The following GCM2 variants were observed in gnomAD, a reference collection of about 807,000 sequenced individuals.
GCM2 encodes the protein GCM transcription factor 2.
GCM2 carries 21 observed loss-of-function variants against 24.8 expected under a neutral mutation model. That is an observed-to-expected ratio of 0.85 (90% CI 0.60 to 1.22). GCM2 has a LOEUF of 1.22. Among genes scored for constraint, GCM2 ranks in the 50% most tolerant of loss-of-function variants. The pLI, the probability that GCM2 is intolerant of heterozygous loss-of-function variation, is 0.00. For synonymous variants in GCM2, 222 were observed against 238.0 expected (o/e 0.93, Z 0.62); for missense variants, 532 against 645.6 (o/e 0.82, Z 1.91).
rs1040019354 is a variant in GCM2, at chr6:10,876,556, C to T, written c.345G>A (p.Lys115=). 3.1e-6 allele frequency: 5 copies of T among 1,592,896 alleles called. No individual in the cohort carries two copies. In the African/African-American group the frequency reaches 6.7e-5, roughly 21 times the overall value. Residue 115 remains lysine, a splice_region_variant and synonymous_variant, in exon 3 of 5, where the codon AAG becomes AAA. Coordinates refer to ENST00000379491, the MANE Select transcript of GCM2 (RefSeq NM_004752.4). ...ICDKARLKQQ[K]KACPNCHSAL... is the part of the protein sequence containing the mutation. ...CAGAATGACAGTTAGGGCATGCCTTCTCTGCAAAGCCCAGAAGGGAGAAAT... is the reference window on the plus strand; with the variant it reads ...CAGAATGACAGTTAGGGCATGCCTTTTCTGCAAAGCCCAGAAGGGAGAAAT...
intron 1 of GCM2, among the ~76,000 whole-genome samples, chr6:10,878,609 T>C (rs563751711): frequency 1.3e-5 from 2 of 152,306 alleles, no homozygotes; most frequent in East Asian, 1.9e-4. Context: ...TAAGCCACCA[T>C]GCCCGGCCAC....
chr6:10,881,732 C>G lies in GCM2; in HGVS notation c.62G>C (p.Trp21Ser). 1 of 1,611,838 alleles carries G rather than the reference C, an allele frequency of 6.2e-7. No individual in the cohort carries two copies. The highest frequency in any genetic ancestry group is 8.5e-7 in the Non-Finnish European group (1 of 1,179,948). ...GVCSYGMQLS[W>S]DINDPQMPQE... ...AGGCATCTGCGGATCGTTGATGTCC[C>G]AGCTGAGCTGCATCCCGTAGGAGCA... The change falls in exon 1 of 5, where the codon TGG becomes TCG. Residue 21 changes from tryptophan to serine, a missense_variant. Around this residue, in one of 3 missense-constraint regions of GCM2, gnomAD observed 96 missense variants for 103.5 expected, o/e 0.93. Coordinates refer to ENST00000379491, the MANE Select transcript of GCM2 (RefSeq NM_004752.4).
chr6:10,875,409 C>T (rs1231943268), intron 4 of GCM2, among the ~76,000 whole-genome samples: 1 of 152,194 alleles, frequency 6.6e-6, no homozygotes, highest in East Asian at 1.9e-4. Flanking sequence ...GTGCCTGGCA[C>T]ATAGGAAGTG....
rs2113249935 is a variant in GCM2, at chr6:10,877,539, G to A, written c.91-147C>T. 3.7e-6 allele frequency: 3 copies of A among 800,128 alleles called. No homozygotes were observed. In the South Asian group the frequency reaches 4.4e-5, roughly 12 times the overall value. 49.6% of individuals were successfully genotyped at this position (800,128 alleles called of 1,614,324 possible). A position where few individuals can be genotyped will look rare whatever the true frequency, so the allele number is the denominator to read the frequency against. On this transcript the variant is annotated intron_variant, in intron 1 of 4. Coordinates refer to ENST00000379491, the MANE Select transcript of GCM2 (RefSeq NM_004752.4). ...AATTCCAAAATGCCACTCTTTCTAT[G>A]TAAGACTTCCTGACAACCAGGTAAT...
chr6:10,880,832 GTC>G (rs1484393206), intron 1 of GCM2, among the ~76,000 whole-genome samples: 1 of 152,204 alleles, frequency 6.6e-6, no homozygotes, highest in Admixed American at 6.5e-5. Context: ...AGTTAGGGAG[GTC>G]TGAGCAAATT....
At chr6:10,880,027 G>A (rs1306791700) in intron 1 of GCM2, among the ~76,000 whole-genome samples, 2 of 152,174 alleles carry the variant, frequency 1.3e-5, no homozygotes, top group Non-Finnish European at 2.9e-5. Context: ...AGGCTAAGGC[G>A]GGTGGATCAG....
At position 10,873,782 on chromosome 6, in the gene GCM2, A is replaced by T. The variant is rs533104557; in HGVS notation, c.*213T>A. 1.6e-6 allele frequency: 1 copy of T among 618,016 alleles called. No homozygotes were observed. The highest frequency in any genetic ancestry group is 1.8e-5 in the South Asian group (1 of 54,498). 38.3% of individuals were successfully genotyped at this position (618,016 alleles called of 1,614,324 possible). On this transcript the variant is annotated 3_prime_UTR_variant, in exon 5 of 5. Transcript: ENST00000379491. Reference sequence around the variant, plus strand: ...CACACTTTCCTCACTACTTCTATGTATTGTAGCCAGTTTCAAAATGCTGTG... The same window carrying T: ...CACACTTTCCTCACTACTTCTATGTTTTGTAGCCAGTTTCAAAATGCTGTG...
chr6:10,880,284 C>CCCAA (rs1432036255), intron 1 of GCM2, among the ~76,000 whole-genome samples: 5 of 129,090 alleles, frequency 3.9e-5, no homozygotes, highest in African/African-American at 1.8e-4. Context: ...AACAAAAAAC[C>CCCAA]CCAACAAACA....
At chr6:10,879,710 G>C (rs1206429112) in intron 1 of GCM2, among the ~76,000 whole-genome samples, 1 of 152,128 alleles carries the variant, frequency 6.6e-6, no homozygotes, top group Non-Finnish European at 1.5e-5. Context: ...GCCCGTTTGA[G>C]ATATTACACA....
At chr6:10,875,814 C>A in intron 4 of GCM2, 77 bp downstream of exon 4, 1 of 1,396,108 alleles carries the variant, frequency 7.2e-7, no homozygotes, top group South Asian at 1.2e-5. Flanking sequence ...GTATGACCTT[C>A]ATATTTTGCA....
At chr6:10,875,158 T>C (rs1779859508) in intron 4 of GCM2, among the ~76,000 whole-genome samples, 1 of 152,190 alleles carries the variant, frequency 6.6e-6, no homozygotes. Flanking sequence ...AGGTCCATGG[T>C]AGCCAGGTAG....
In GCM2 at chr6:10,877,236, CCAGGCACGA is replaced by C; in HGVS notation, c.238_246del (p.Ser80_Leu82del). On this transcript the variant is annotated inframe_deletion, in exon 2 of 5. Coordinates refer to ENST00000379491, the MANE Select transcript of GCM2 (RefSeq NM_004752.4). ...CAGGCCTGTGTACACACCACCACAC[CCAGGCACGA>C]CTTCTTGAGGATGTGGCCATTGTGG... The C allele has an allele frequency of 6.2e-7, 1 of 1,614,230 alleles. No individual in the cohort carries two copies. Among genetic ancestry groups the C allele is most frequent in the Non-Finnish European group, 8.5e-7 (1 of 1,180,050 alleles).
At position 10,877,165 on chromosome 6, in the gene GCM2, G is replaced by T; in HGVS notation, c.318C>A (p.Cys106Ter). ...TCTGCTGTTTCAGCCGTGCCTTGTC[G>T]CAGATGGCCGGCCTCAGCTGCAGGC... ...GSRLQLRPAI[C>*]DKARLKQQKK... The change falls in exon 2 of 5, where the codon TGC becomes TGA. Residue 106 changes from cysteine (C) to a stop codon, truncating the protein, a stop_gained. Transcript: ENST00000379491. LOFTEE classifies it high-confidence loss of function. 1 of 1,613,138 alleles carries T rather than the reference G, an allele frequency of 6.2e-7. No homozygotes were observed.
rs575201906 is a variant in GCM2 at position 10,877,448 on chromosome 6, C to G, written c.91-56G>C. On this transcript the variant is annotated intron_variant, in intron 1 of 4. Transcript: ENST00000379491. ...TCTATCCAGTCCAAACTGCACACAT[C>G]ATGCTCTAAAATTTCTCTGAGCACA... 7.2e-5 allele frequency: 115 copies of G among 1,595,274 alleles called. No homozygotes were observed. The African/African-American group carries it at 1.2e-3, about 17-fold the overall frequency.
At chr6:10,875,354 T>C (rs79723657) in intron 4 of GCM2, among the ~76,000 whole-genome samples, 2,627 of 152,338 alleles carry the variant, frequency 0.017, 74 homozygotes, top group African/African-American at 0.061. Flanking sequence ...AGTAACCTCA[T>C]TATAAGGTTT....
intron 1 of GCM2, among the ~76,000 whole-genome samples, chr6:10,878,625 A>T (rs1338717327): frequency 6.6e-6 from 1 of 152,098 alleles, no homozygotes; most frequent in Non-Finnish European, 1.5e-5. Flanking sequence ...GCCACTGAGC[A>T]CTTTCTTTTA....
rs769449024 is a variant in GCM2 at position 10,881,705 on chromosome 6, T to C, written c.89A>G (p.Gln30Arg). Residue 30 changes from glutamine (Q) to arginine (R), a missense_variant and splice_region_variant, in exon 1 of 5, where the codon CAG (glutamine) becomes CGG (arginine). Gln to Arg is a conservative substitution (Grantham distance 43, BLOSUM62 1). Transcript: ENST00000379491. ...SWDINDPQMP[Q>R]ELALFDQFRE... The stretch of plus-strand genomic sequence containing the variant: ...CCCGCACACACCCGGTTCACTTACC[T>C]GAGGCATCTGCGGATCGTTGATGTC... 10 of 1,609,634 alleles carry C rather than the reference T, an allele frequency of 6.2e-6. No individual in the cohort carries two copies. The highest frequency in any genetic ancestry group is 1.1e-5 in the South Asian group (1 of 91,036).
At chr6:10,881,630 A>G in intron 1 of GCM2, 74 bp downstream of exon 1, 1 of 1,009,676 alleles carries the variant, frequency 9.9e-7, no homozygotes, top group Non-Finnish European at 1.5e-6. Context: ...CAGACTCTTC[A>G]AGAACTCGAA....
chr6:10,874,977 G>T, intron 4 of GCM2, 44 bp from the exon 5 acceptor site: 1 of 1,315,290 alleles, frequency 7.6e-7, no homozygotes, highest in Non-Finnish European at 1.1e-6. Context: ...TGTAAATCGT[G>T]TGGACACCCT....
Sources: gnomAD v4.1 joint callset for allele counts (sites outside exome capture counted in the v4.1 genomes callset) on GRCh38, gnomAD v4.1.1 for gene constraint, gnomAD v4.1.1 regional missense constraint, MANE v1.5 for transcripts, NCBI Gene and HGNC (gene_info 2026-07-23, HGNC 2026-07-21) for gene names.